LRRCC1: variants seen among roughly 807,000 people sequenced by gnomAD.
LRRCC1 encodes leucine-rich repeat and coiled-coil domain-containing protein 1.
LRRCC1 carries 115 observed loss-of-function variants against 126.0 expected under a neutral mutation model. That is an observed-to-expected ratio of 0.91 (90% confidence interval 0.78 to 1.07). The LOEUF (loss-of-function observed/expected upper bound fraction) is 1.07, where lower values mean the gene tolerates loss of function less well. LRRCC1 is among the 50% of genes least tolerant of loss of function. The pLI, the probability that LRRCC1 is intolerant of heterozygous loss-of-function variation, is 0.00. For missense variants in LRRCC1, 1,172 were observed against 1,175.7 expected, an observed-to-expected ratio of 1.00 and a Z score of 0.05; for synonymous variants, 400 against 393.4, an observed-to-expected ratio of 1.02 and a Z score of -0.20.
chr8:85,107,490 G>A, intron 1 of LRRCC1, 91 bp downstream of exon 1: 1 of 1,122,874 alleles, frequency 8.9e-7, no homozygotes, highest in South Asian at 1.5e-5. Context: ...TGGAGGCGCG[G>A]CACTGCTTTA....
chr8:85,127,425 G>A (rs1319100772), intron 9 of LRRCC1, among the ~76,000 whole-genome samples: 1 of 151,808 alleles, frequency 6.6e-6, no homozygotes, highest in Non-Finnish European at 1.5e-5. Flanking sequence ...TATTTCTAAC[G>A]TCATGCTTTT....
At chr8:85,119,910 T>G (rs1404362196) in intron 6 of LRRCC1, among the ~76,000 whole-genome samples, 1 of 152,206 alleles carries the variant, frequency 6.6e-6, no homozygotes, top group Non-Finnish European at 1.5e-5. Flanking sequence ...TTCCACAAAT[T>G]TTGGTATGTT....
chr8:85,128,914 C>T (rs888069906), intron 9 of LRRCC1, among the ~76,000 whole-genome samples: 1 of 152,084 alleles, frequency 6.6e-6, no homozygotes, highest in Non-Finnish European at 1.5e-5. Flanking sequence ...AGATGTTGAA[C>T]TATCTCCTCT....
chr8:85,107,263 C>T lies in LRRCC1; in HGVS notation c.-33C>T, dbSNP rs765570519. 3.8e-6 allele frequency: 6 copies of T among 1,581,500 alleles called. No individual in the cohort carries two copies. Among genetic ancestry groups the T allele is most frequent in the African/African-American group, 1.3e-5 (1 of 74,546 alleles). On this transcript the variant is annotated 5_prime_UTR_variant, in exon 1 of 19. Coordinates refer to ENST00000360375, the MANE Select transcript of LRRCC1 (RefSeq NM_033402.5). ...AAGCTCACGGACCCCTCGCTGGGTG[C>T]CGGTTAAGACCCCGCTCCCCGTCGC...
chr8:85,108,182 C>A (rs1808414000), intron 1 of LRRCC1, among the ~76,000 whole-genome samples: 1 of 152,214 alleles, frequency 6.6e-6, no homozygotes, highest in South Asian at 2.1e-4. Context: ...GTAGCGTGTC[C>A]TCTACGCGAA....
At chr8:85,117,463 G>C (rs1317343778) in intron 6 of LRRCC1, among the ~76,000 whole-genome samples, 2 of 152,116 alleles carry the variant, frequency 1.3e-5, no homozygotes, top group African/African-American at 4.8e-5. Context: ...CATGGAGTTT[G>C]AATTTCATTG....
intron 6 of LRRCC1, among the ~76,000 whole-genome samples, chr8:85,115,918 A>G (rs1809085605): frequency 6.6e-6 from 1 of 152,206 alleles, no homozygotes; most frequent in South Asian, 2.1e-4. Flanking sequence ...GTGTTACTTA[A>G]CGCAAAGGAA....
At chr8:85,137,403 T>G in intron 14 of LRRCC1, 61 bp from the exon 15 acceptor site, 1 of 1,082,982 alleles carries the variant, frequency 9.2e-7, no homozygotes, top group Non-Finnish European at 1.3e-6. Context: ...TGTTAGAGTT[T>G]AATAAGATAC....
chr8:85,109,674 G>T lies in LRRCC1; in HGVS notation c.184G>T (p.Asp62Tyr), dbSNP rs191037362. Reference sequence around the variant, plus strand: ...TAACATCTCCAAGATCGAAGCCATTGATCATATTTGGAATTTACAACATCT... The same window carrying T: ...TAACATCTCCAAGATCGAAGCCATTTATCATATTTGGAATTTACAACATCT... ...CNNISKIEAI[D>Y]HIWNLQHLDL... The change falls in exon 2 of 19, where the codon GAT (aspartate) becomes TAT (tyrosine). Residue 62 changes from aspartate to tyrosine, a missense_variant. Asp to Tyr is a radical substitution (Grantham distance 160, BLOSUM62 -3). Transcript: ENST00000360375. 1.3e-4 allele frequency: 213 copies of T among 1,610,806 alleles called. No individual in the cohort carries two copies. In the African/African-American group the frequency reaches 2.6e-3, roughly 19 times the overall value.
At chr8:85,120,061 T>G (rs1000196525) in intron 6 of LRRCC1, among the ~76,000 whole-genome samples, 1 of 152,252 alleles carries the variant, frequency 6.6e-6, no homozygotes, top group Non-Finnish European at 1.5e-5. Flanking sequence ...GGTCCTTGAT[T>G]TCTGATTTAC....
Position 85,123,996 on chromosome 8 carries a change from ACCT to A in LRRCC1, c.1124+391_1124+393del, listed in dbSNP as rs576155760. Among the ~76,000 whole-genome samples, 12 of 152,282 alleles carry A rather than the reference ACCT, an allele frequency of 7.9e-5. No individual in the cohort carries two copies. In the South Asian group the frequency reaches 2.5e-3, roughly 32 times the overall value. ...TTACAGTGGGAAATAAGACTAGTACACCTGAGTCTACATGACTAGCCTTTTCTC... is the reference window on the plus strand; with the variant it reads ...TTACAGTGGGAAATAAGACTAGTACAGAGTCTACATGACTAGCCTTTTCTC... On this transcript the variant is annotated intron_variant, in intron 7 of 18. Coordinates refer to ENST00000360375, the MANE Select transcript of LRRCC1 (RefSeq NM_033402.5).
chr8:85,135,988 G>GA, intron 14 of LRRCC1, 25 bp downstream of exon 14: 2 of 1,519,420 alleles, frequency 1.3e-6, no homozygotes, highest in Non-Finnish European at 8.8e-7. Context: ...TTTTCAAAGG[G>GA]AAAATAGCTT....
intron 1 of LRRCC1, 191 bp downstream of exon 1, chr8:85,107,590 A>T: frequency 2.0e-6 from 1 of 495,048 alleles, no homozygotes; most frequent in Non-Finnish European, 3.6e-6. Flanking sequence ...TGAGCCGTGG[A>T]TGCCTTCCCG....
chr8:85,120,518 CTTA>C (rs975010133), intron 6 of LRRCC1, among the ~76,000 whole-genome samples: 1 of 152,116 alleles, frequency 6.6e-6, no homozygotes, highest in Admixed American at 6.5e-5. Context: ...ATCTAACAGC[CTTA>C]TTGAGATACA....
intron 3 of LRRCC1, among the ~76,000 whole-genome samples, chr8:85,111,365 G>A (rs1808706100): frequency 6.6e-6 from 1 of 152,100 alleles, no homozygotes; most frequent in Non-Finnish European, 1.5e-5. Flanking sequence ...CAACAAGAAT[G>A]AAACTCCATC....
chr8:85,132,515 C>T (rs1193993558), intron 12 of LRRCC1, among the ~76,000 whole-genome samples: 4 of 151,884 alleles, frequency 2.6e-5, no homozygotes, highest in Non-Finnish European at 5.9e-5. Context: ...GTCTCAGCCT[C>T]CCAAGTAGCT....
At chr8:85,134,072 A>G (rs1810684913) in intron 12 of LRRCC1, among the ~76,000 whole-genome samples, 1 of 151,906 alleles carries the variant, frequency 6.6e-6, no homozygotes, top group Non-Finnish European at 1.5e-5. Flanking sequence ...TTTCCCACAC[A>G]TTTGCATGGC....
In LRRCC1 at chr8:85,129,282, C is replaced by CA. The variant is rs769975571; in HGVS notation, c.1533dup (p.Asp512ArgfsTer8). On this transcript the variant is annotated frameshift_variant, in exon 10 of 19. Transcript: ENST00000360375. LOFTEE classifies it high-confidence loss of function. ...AAACTGACTGTTGAACTAATGAAAG[C>CA]AAAAGATCAACAAGAGGATCACCTT... 1.2e-6 allele frequency: 2 copies of CA among 1,613,478 alleles called. No homozygotes were observed. The highest frequency in any genetic ancestry group is 3.3e-5 in the Admixed American group (2 of 59,960).
Position 85,131,839 on chromosome 8 carries a change from A to G in LRRCC1, c.1846A>G (p.Lys616Glu), listed in dbSNP as rs1773401428. Reference protein sequence around the residue: ...ALAKEIAKEEKKHEQMIKEYQ... With the variant: ...ALAKEIAKEEEKHEQMIKEYQ... ...AGCTAAAGAAATAGCCAAAGAAGAG[A>G]AAAAGCATGAGCAAATGATAAAAGA... The change falls in exon 12 of 19, where the codon AAA becomes GAA. Residue 616 changes from lysine (K) to glutamate (E), a missense_variant. By Grantham distance (56) the Lys-to-Glu change is moderately conservative (BLOSUM62 1). Coordinates refer to ENST00000360375, the MANE Select transcript of LRRCC1 (RefSeq NM_033402.5). 2.5e-6 allele frequency: 4 copies of G among 1,613,794 alleles called. No homozygotes were observed. Among genetic ancestry groups the G allele is most frequent in the Non-Finnish European group, 3.4e-6 (4 of 1,179,810 alleles).
Sources: allele counts gnomAD v4.1 joint callset (sites outside exome capture counted in the v4.1 genomes callset), GRCh38; gene constraint gnomAD v4.1.1; transcripts MANE v1.5; gene names NCBI Gene and HGNC (gene_info 2026-07-23, HGNC 2026-07-21).